TBC1D30: variants seen among roughly 807,000 people sequenced by gnomAD.
TBC1D30 encodes the protein TBC1 domain family, member 30.
TBC1D30 carries 31 observed loss-of-function variants against 63.2 expected under a neutral mutation model. The ratio of observed to expected loss-of-function variants is 0.49; its 90% CI spans 0.37 to 0.66. The LOEUF (loss-of-function observed/expected upper bound fraction) is 0.66, where lower values mean the gene tolerates loss of function less well. Among genes scored for constraint, TBC1D30 ranks in the 30% least tolerant of loss-of-function variants. TBC1D30 has a pLI of 0.00. For missense variants in TBC1D30, 810 were observed against 953.6 expected, an observed-to-expected ratio of 0.85 and a Z score of 1.98; for synonymous variants, 307 against 361.5, an observed-to-expected ratio of 0.85 and a Z score of 1.71.
At chr12:64,856,887 T>C (rs1405555706) in intron 8 of TBC1D30, among the ~76,000 whole-genome samples, 4 of 152,062 alleles carry the variant, frequency 2.6e-5, no homozygotes, top group Non-Finnish European at 4.4e-5. Context: ...CACTAGTCCA[T>C]AGGGGGTTCT....
Position 64,843,365 on chromosome 12 carries a change from C to T in TBC1D30, c.933-15C>T, listed in dbSNP as rs1307295735. 3.3e-6 allele frequency: 5 copies of T among 1,534,644 alleles called. No homozygotes were observed. The highest frequency in any genetic ancestry group is 8.7e-7 in the Non-Finnish European group (1 of 1,145,500). The stretch of plus-strand genomic sequence containing the variant: ...GCCCTAAACAAGTTGTATTTTCTGT[C>T]CTTTCTTTATCTAGGCAGATAGAAT... On this transcript the variant is annotated splice_polypyrimidine_tract_variant and intron_variant, in intron 7 of 11. Transcript: ENST00000539867.
chr12:64,864,628 C>A, intron 8 of TBC1D30, 40 bp from the exon 9 acceptor site: 2 of 1,328,692 alleles, frequency 1.5e-6, no homozygotes, highest in Non-Finnish European at 2.1e-6. Context: ...GTTGTGAAGG[C>A]TACTGTTTCA....
chr12:64,807,918 G>GTTTTTTTTTTTTTTTTTTTTTTTTTTT lies in TBC1D30; in HGVS notation c.644-19900_644-19899insTTTTTTTTTTTTTTTTTTTTTTTTTTT, dbSNP rs774145443. 8.0e-4 allele frequency among the ~76,000 whole-genome samples: 75 copies of GTTTTTTTTTTTTTTTTTTTTTTTTTTT among 93,494 alleles called. 17 individuals carry two copies. Among genetic ancestry groups the GTTTTTTTTTTTTTTTTTTTTTTTTTTT allele is most frequent in the African/African-American group, 3.9e-3 (71 of 18,116 alleles). The allele number at this position is 93,494 out of a possible 152,430, so 61.3% of individuals were successfully genotyped here. A position where few individuals can be genotyped will look rare whatever the true frequency, so the allele number is the denominator to read the frequency against. On this transcript the variant is annotated intron_variant, in intron 2 of 12. Transcript: ENST00000542120. ...GCCCATGCCACCCTGCCTAATTTAA[G>GTTTTTTTTTTTTTTTTTTTTTTTTTTT]TTTTTTTTTTTTTTTTTGTAGAGCT...
At chr12:64,812,112 G>T (rs1370924966) in intron 2 of TBC1D30, among the ~76,000 whole-genome samples, 1 of 151,962 alleles carries the variant, frequency 6.6e-6, no homozygotes, top group East Asian at 1.9e-4. Flanking sequence ...AAAAGTGCAA[G>T]GAAAAATATA....
chr12:64,842,053 G>T (rs190854048), intron 7 of TBC1D30, among the ~76,000 whole-genome samples: 39 of 152,254 alleles, frequency 2.6e-4, no homozygotes, highest in African/African-American at 9.1e-4. Flanking sequence ...AAACAACGTT[G>T]TCATATAAAA....
At chr12:64,804,780 G>A (rs1355558216) in intron 2 of TBC1D30, among the ~76,000 whole-genome samples, 1 of 152,282 alleles carries the variant, frequency 6.6e-6, no homozygotes, top group East Asian at 1.9e-4. Context: ...CCTTCCCTGA[G>A]CATTTTCTGC....
chr12:64,827,881 A>C lies in TBC1D30; in HGVS notation c.201A>C (p.Gln67His). The change falls in exon 2 of 12, where the codon CAA becomes CAC. Residue 67 changes from glutamine (Q) to histidine (H), a missense_variant. Gln to His is a conservative substitution (Grantham distance 24, BLOSUM62 0). Transcript: ENST00000539867. ...LKFTLEPSLG[Q>H]NGFQQWYDAL... ...TCACTCTTGAGCCATCTTTAGGTCA[A>C]AATGGTTTTCAGCAGGTAACTTTGA... 1 of 1,534,906 alleles carries C rather than the reference A, an allele frequency of 6.5e-7. No individual in the cohort carries two copies.
intron 5 of TBC1D30, 105 bp downstream of exon 5, chr12:64,832,409 C>A: frequency 8.6e-7 from 1 of 1,166,874 alleles, no homozygotes; most frequent in Non-Finnish European, 1.2e-6. Flanking sequence ...AAGGTGTTTG[C>A]CACACCTTTG....
chr12:64,805,650 C>T (rs999329302), intron 2 of TBC1D30, among the ~76,000 whole-genome samples: 3 of 151,896 alleles, frequency 2.0e-5, no homozygotes, highest in African/African-American at 4.8e-5. Context: ...CTGGCCAACA[C>T]GGTGAAACCC....
At chr12:64,807,169 A>G (rs188690272) in intron 2 of TBC1D30, among the ~76,000 whole-genome samples, 1 of 152,294 alleles carries the variant, frequency 6.6e-6, no homozygotes, top group Non-Finnish European at 1.5e-5. Flanking sequence ...TGCTGTTCTT[A>G]TGATAGTGAG....
intron 8 of TBC1D30, among the ~76,000 whole-genome samples, chr12:64,850,602 C>T (rs892095993): frequency 6.6e-6 from 1 of 152,174 alleles, no homozygotes; most frequent in African/African-American, 2.4e-5. Flanking sequence ...ATTGAACCAG[C>T]CTTGCATCCC....
At chr12:64,824,530 C>A, upstream of TBC1D30, 1 of 233,938 alleles carries the variant, frequency 4.3e-6, no homozygotes, top group South Asian at 1.5e-4. Context: ...GGAGCTGGGG[C>A]GGCCCCGCCT....
chr12:64,852,062 C>T (rs1876922320), intron 8 of TBC1D30, among the ~76,000 whole-genome samples: 1 of 152,104 alleles, frequency 6.6e-6, no homozygotes, highest in Non-Finnish European at 1.5e-5. Flanking sequence ...GAATGTTGGC[C>T]TGTCTTGCTA....
intron 8 of TBC1D30, among the ~76,000 whole-genome samples, chr12:64,860,364 A>G (rs972216447): frequency 6.6e-6 from 1 of 152,068 alleles, no homozygotes; most frequent in African/African-American, 2.4e-5. Flanking sequence ...CATGTTTCCC[A>G]GGCTGGTCTT....
At chr12:64,828,861 G>A (rs1157191104) in intron 3 of TBC1D30, among the ~76,000 whole-genome samples, 1 of 152,186 alleles carries the variant, frequency 6.6e-6, no homozygotes, top group African/African-American at 2.4e-5. Context: ...ATTTTAAATA[G>A]CAAGGTGACA....
chr12:64,826,544 C>A (rs1009829580), intron 1 of TBC1D30, among the ~76,000 whole-genome samples: 1 of 152,118 alleles, frequency 6.6e-6, no homozygotes, highest in Non-Finnish European at 1.5e-5. Context: ...TTGTTTTCAG[C>A]GTGCCTTAAA....
chr12:64,786,036 CAGAAG>C lies in TBC1D30; in HGVS notation c.640_643+1del. The C allele has an allele frequency of 7.8e-7, 1 of 1,286,830 alleles. No homozygotes were observed. Among genetic ancestry groups the C allele is most frequent in the Non-Finnish European group, 1.0e-6 (1 of 986,306 alleles). The allele number at this position is 1,286,830 out of a possible 1,614,324, so 79.7% of individuals were successfully genotyped here. On this transcript the variant is annotated frameshift_variant, in exon 2 of 13. Coordinates refer to the TBC1D30 transcript ENST00000542120. LOFTEE classifies it high-confidence loss of function. ...GACTGCCTGCTTGCAGGCTGTGTCA[CAGAAG>C]AGAAGTAAGTACTGGAATTGGGTTA...
intron 1 of TBC1D30, 49 bp from the exon 2 acceptor site, chr12:64,827,786 C>T (rs1195989727): frequency 3.9e-6 from 5 of 1,278,776 alleles, no homozygotes; most frequent in South Asian, 1.4e-5. Context: ...TTTGATATAA[C>T]TTGTTATAGT....
At chr12:64,850,508 G>C (rs962886830) in intron 8 of TBC1D30, among the ~76,000 whole-genome samples, 1 of 152,136 alleles carries the variant, frequency 6.6e-6, no homozygotes, top group Non-Finnish European at 1.5e-5. Context: ...TTTGTCGAAG[G>C]CCTTTTCTGC....
Sources: allele counts gnomAD v4.1 joint callset (sites outside exome capture counted in the v4.1 genomes callset), GRCh38; gene constraint gnomAD v4.1.1; transcripts MANE v1.5; gene names NCBI Gene and HGNC (gene_info 2026-07-23, HGNC 2026-07-21).